The following KIAA0825 variants were observed in gnomAD, a reference collection of about 807,000 sequenced individuals.
KIAA0825 encodes KIAA0825.
KIAA0825 carries 119 observed loss-of-function variants against 147.6 expected under a neutral mutation model. The ratio of observed to expected loss-of-function variants is 0.81; its 90% CI spans 0.69 to 0.94. KIAA0825 has a LOEUF of 0.94. Ranked by LOEUF, KIAA0825 falls within the 40% of genes least tolerant of loss-of-function variation. The pLI is 0.00. For synonymous variants in KIAA0825, 470 were observed against 518.1 expected, an observed-to-expected ratio of 0.91 and a Z score of 1.26; for missense variants, 1,381 against 1,472.7, an observed-to-expected ratio of 0.94 and a Z score of 1.02.
At chr5:94,327,465 T>G (rs1217925413) in intron 20 of KIAA0825, among the ~76,000 whole-genome samples, 1 of 152,160 alleles carries the variant, frequency 6.6e-6, no homozygotes, top group Non-Finnish European at 1.5e-5. Context: ...CAGGTATATT[T>G]GTTATCCACA....
intron 20 of KIAA0825, among the ~76,000 whole-genome samples, chr5:94,348,844 A>C (rs189167032): frequency 3.0e-4 from 46 of 152,354 alleles, no homozygotes; most frequent in African/African-American, 1.1e-3. Flanking sequence ...TAAAGCTTAA[A>C]TCACACAGGA....
chr5:94,305,590 G>A (rs1378086044), intron 20 of KIAA0825, among the ~76,000 whole-genome samples: 3 of 151,884 alleles, frequency 2.0e-5, no homozygotes, highest in Non-Finnish European at 4.4e-5. Flanking sequence ...CAAAGTGCAC[G>A]TATAAAAAAT....
At chr5:94,255,106 A>G (rs1008137721) in intron 20 of KIAA0825, among the ~76,000 whole-genome samples, 1 of 150,998 alleles carries the variant, frequency 6.6e-6, no homozygotes, top group African/African-American at 2.4e-5. Context: ...ACCATGTCTT[A>G]TATCTCTTTG....
At chr5:94,284,012 T>A (rs1777565890) in intron 20 of KIAA0825, among the ~76,000 whole-genome samples, 1 of 152,182 alleles carries the variant, frequency 6.6e-6, no homozygotes, top group Admixed American at 6.6e-5. Context: ...CAAAGTTTGC[T>A]GATGCATAGT....
intron 20 of KIAA0825, among the ~76,000 whole-genome samples, chr5:94,198,851 T>G (rs147082738): frequency 1.3e-5 from 2 of 152,356 alleles, no homozygotes; most frequent in African/African-American, 4.8e-5. Flanking sequence ...CTATCAACAC[T>G]TTCAATTGTA....
chr5:94,201,997 G>A (rs534625870), intron 20 of KIAA0825, among the ~76,000 whole-genome samples: 51 of 152,300 alleles, frequency 3.3e-4, no homozygotes, highest in Non-Finnish European at 4.3e-4. Context: ...GGGGGATGAT[G>A]GGTAGAGGAT....
chr5:94,436,463 C>A (rs139493011), intron 14 of KIAA0825, among the ~76,000 whole-genome samples: 285 of 152,252 alleles, frequency 1.9e-3, no homozygotes, highest in African/African-American at 6.5e-3. Flanking sequence ...GTTCTCTGTT[C>A]TGTTCCATTG....
At chr5:94,370,909 C>CA (rs1330456717) in intron 20 of KIAA0825, among the ~76,000 whole-genome samples, 1 of 151,156 alleles carries the variant, frequency 6.6e-6, no homozygotes, top group Admixed American at 6.6e-5. Context: ...GACTCTGTCT[C>CA]AAAAAAACAA....
At chr5:94,419,550 C>A (rs1753905666) in intron 14 of KIAA0825, among the ~76,000 whole-genome samples, 1 of 152,156 alleles carries the variant, frequency 6.6e-6, no homozygotes, top group Non-Finnish European at 1.5e-5. Flanking sequence ...CCTCCCATCT[C>A]CTTTTCTTTT....
chr5:94,471,226 G>T (rs1288799612), intron 9 of KIAA0825, among the ~76,000 whole-genome samples: 1 of 149,744 alleles, frequency 6.7e-6, no homozygotes, highest in Non-Finnish European at 1.5e-5. Flanking sequence ...TGCAGAAAAT[G>T]CGTGGGTTTT....
At position 94,406,096 on chromosome 5, in the gene KIAA0825, T is replaced by G. The variant is rs7717728; in HGVS notation, c.2663-2303A>C. On this transcript the variant is annotated intron_variant, in intron 15 of 20. Transcript: ENST00000682413. ...CATGCGCCACCACGCCTGGCTAATTTTTGTATGTTTAGTAGAGATGGGGTT... is the reference window on the plus strand; with the variant it reads ...CATGCGCCACCACGCCTGGCTAATTGTTGTATGTTTAGTAGAGATGGGGTT... 2.2e-3 allele frequency among the ~76,000 whole-genome samples: 342 copies of G among 152,060 alleles called. 4 individuals carry two copies. The highest frequency in any genetic ancestry group is 7.8e-3 in the African/African-American group (324 of 41,442).
intron 6 of KIAA0825, among the ~76,000 whole-genome samples, chr5:94,478,316 C>G (rs1277968586): frequency 6.6e-6 from 1 of 152,130 alleles, no homozygotes; most frequent in Non-Finnish European, 1.5e-5. Context: ...TTTACATATT[C>G]TGAGGAAAAG....
intron 16 of KIAA0825, among the ~76,000 whole-genome samples, chr5:94,400,320 T>C (rs983554527): frequency 2.6e-5 from 4 of 152,178 alleles, no homozygotes; most frequent in African/African-American, 9.6e-5. Flanking sequence ...ATCCTATTTC[T>C]AAATTCTTAA....
At chr5:94,504,746 CTTTTTTTT>C (rs564291886) in intron 5 of KIAA0825, among the ~76,000 whole-genome samples, 86 of 122,982 alleles carry the variant, frequency 7.0e-4, no homozygotes, top group African/African-American at 2.3e-3. Flanking sequence ...TTTTTCTTTT[CTTTTTTTT>C]TTTTTTTTTT....
intron 20 of KIAA0825, among the ~76,000 whole-genome samples, chr5:94,218,489 G>C (rs558324600): frequency 2.0e-5 from 3 of 152,160 alleles, no homozygotes; most frequent in Non-Finnish European, 4.4e-5. Context: ...AGTGATGTGA[G>C]GGCAAAGAAT....
At chr5:94,216,778 T>C (rs1051990613) in intron 20 of KIAA0825, among the ~76,000 whole-genome samples, 34 of 152,340 alleles carry the variant, frequency 2.2e-4, no homozygotes, top group African/African-American at 8.2e-4. Context: ...TTCCTAATTT[T>C]TTTTCACATT....
intron 20 of KIAA0825, among the ~76,000 whole-genome samples, chr5:94,363,680 G>A (rs1745393132): frequency 6.6e-6 from 1 of 152,020 alleles, no homozygotes; most frequent in Admixed American, 6.6e-5. Context: ...GAGGCCAGAT[G>A]CAAGAACCCA....
chr5:94,331,154 G>A (rs1387827166), intron 20 of KIAA0825, among the ~76,000 whole-genome samples: 2 of 148,470 alleles, frequency 1.3e-5, no homozygotes, highest in African/African-American at 2.5e-5. Flanking sequence ...AAGAAAGAAA[G>A]AGAGAGAGAG....
intron 2 of KIAA0825, among the ~76,000 whole-genome samples, chr5:94,559,365 G>A (rs1451016619): frequency 6.6e-6 from 1 of 152,038 alleles, no homozygotes; most frequent in Non-Finnish European, 1.5e-5. Flanking sequence ...TCCCTCTTAC[G>A]TTTTCTATGC....
Sources: allele counts gnomAD v4.1 joint callset (sites outside exome capture counted in the v4.1 genomes callset), GRCh38; gene constraint gnomAD v4.1.1; transcripts MANE v1.5; gene names NCBI Gene and HGNC (gene_info 2026-07-23, HGNC 2026-07-21).